The following SSBP3 variants were observed in gnomAD, a reference collection of about 807,000 sequenced individuals.
The protein encoded by SSBP3 is single stranded DNA binding protein 3, also known as single-stranded DNA-binding protein 3.
A neutral mutation model predicts 69.6 loss-of-function variants in SSBP3; 5 were observed. The observed-to-expected ratio is 0.07, with a 90% CI of 0.04 to 0.15. The LOEUF (loss-of-function observed/expected upper bound fraction) is 0.15. Among genes scored for constraint, SSBP3 ranks in the 10% least tolerant of loss-of-function variants. The pLI, the probability that SSBP3 is intolerant of heterozygous loss-of-function variation, is 1.00. For synonymous variants in SSBP3, 196 were observed against 193.4 expected (o/e 1.01, Z -0.11); for missense variants, 312 against 534.0 (o/e 0.58, Z 4.10).
intron 4 of SSBP3, among the ~76,000 whole-genome samples, chr1:54,285,820 C>T (rs1645478254): frequency 6.6e-6 from 1 of 152,298 alleles, no homozygotes; most frequent in Non-Finnish European, 1.5e-5. Context: ...GCTAGAAGTC[C>T]CCCACGGAAG....
Position 54,241,440 on chromosome 1 carries a change from C to G in SSBP3, c.801+34G>C, listed in dbSNP as rs543751214. The G allele has an allele frequency of 3.1e-6, 5 of 1,613,088 alleles. No homozygotes were observed. The African/African-American group carries it at 5.3e-5, about 17-fold the overall frequency. On this transcript the variant is annotated intron_variant, in intron 12 of 17. Transcript: ENST00000610401. ...CTCTTGCACACTCAGTCCCACGTGG[C>G]TAGACATGCAATGCCCCAAACCCAC...
Position 54,379,025 on chromosome 1 carries a change from C to G in SSBP3, c.276+22836G>C, listed in dbSNP as rs1569991692. ...TCTCCTGGCCCCGCCACCGCCTGGC[C>G]AGGTCCCCGCCCCAACCCACTTGTT... On this transcript the variant is annotated intron_variant, in intron 4 of 17. Coordinates refer to ENST00000610401, the Ensembl canonical transcript of SSBP3. 2.0e-5 allele frequency among the ~76,000 whole-genome samples: 3 copies of G among 152,360 alleles called. No homozygotes were observed. The Middle Eastern group carries it at 0.01, about 518-fold the overall frequency.
intron 4 of SSBP3, among the ~76,000 whole-genome samples, chr1:54,397,892 G>T (rs1013379667): frequency 6.6e-6 from 1 of 152,136 alleles, no homozygotes; most frequent in Non-Finnish European, 1.5e-5. Context: ...CAGAGTTCAG[G>T]TCTCGCCTCT....
At chr1:54,247,691 AAAC>A (rs781780457) in intron 9 of SSBP3, among the ~76,000 whole-genome samples, 21 of 152,250 alleles carry the variant, frequency 1.4e-4, no homozygotes, top group African/African-American at 2.4e-4. Flanking sequence ...TGAATACCAG[AAAC>A]AACAACAAGT....
At position 54,228,736 on chromosome 1, in the gene SSBP3, G is replaced by A. The variant is rs1419699998; in HGVS notation, c.1006+12C>T. 1 of 1,588,056 alleles carries A rather than the reference G, an allele frequency of 6.3e-7. No individual in the cohort carries two copies. Among genetic ancestry groups the A allele is most frequent in the Non-Finnish European group, 8.6e-7 (1 of 1,168,964 alleles). On this transcript the variant is annotated intron_variant, in intron 15 of 17. Transcript: ENST00000610401. ...GGCAGGGTGGGGCATGGCGAGGGCA[G>A]GGGCCACTCACCTAATGATCCATTC...
rs558892167 is a variant in SSBP3 at position 54,260,496 on chromosome 1, C to A, written c.367-2347G>T. Among the ~76,000 whole-genome samples, 19 of 152,346 alleles carry A rather than the reference C, an allele frequency of 1.2e-4. 1 individual carries two copies. The South Asian group carries it at 3.9e-3, about 32-fold the overall frequency. Reference sequence around the variant, plus strand: ...GCGCACACGGTGGGGCCTCAATCTACGGCAGCCTTTACAAAGGACCAGTGC... The same window carrying A: ...GCGCACACGGTGGGGCCTCAATCTAAGGCAGCCTTTACAAAGGACCAGTGC... On this transcript the variant is annotated intron_variant, in intron 5 of 17. Transcript: ENST00000610401.
At chr1:54,289,284 T>A (rs1490015755) in intron 4 of SSBP3, among the ~76,000 whole-genome samples, 2 of 151,864 alleles carry the variant, frequency 1.3e-5, no homozygotes, top group Non-Finnish European at 2.9e-5. Flanking sequence ...GGGGTGTGTA[T>A]GTGTGTGTCT....
chr1:54,282,072 A>T (rs60700048), intron 4 of SSBP3, among the ~76,000 whole-genome samples: 2 of 150,272 alleles, frequency 1.3e-5, no homozygotes, highest in South Asian at 4.2e-4. Context: ...TAATAATAAT[A>T]AAAAAATGGG....
At chr1:54,359,685 AG>A (rs1646921799) in intron 4 of SSBP3, among the ~76,000 whole-genome samples, 1 of 152,252 alleles carries the variant, frequency 6.6e-6, no homozygotes, top group East Asian at 1.9e-4. Context: ...TGGATAAGTA[AG>A]AAAAGCTGTT....
chr1:54,254,971 T>G (rs1644893434), intron 7 of SSBP3, among the ~76,000 whole-genome samples: 1 of 152,114 alleles, frequency 6.6e-6, no homozygotes. Context: ...TAGCTGGGAT[T>G]ACAGGCACAC....
intron 5 of SSBP3, among the ~76,000 whole-genome samples, chr1:54,273,449 C>A (rs1280222128): frequency 2.6e-5 from 4 of 152,234 alleles, no homozygotes; most frequent in Admixed American, 2.0e-4. Context: ...CAGGAGTAAC[C>A]TTTTGTCCAC....
At position 54,258,713 on chromosome 1, in the gene SSBP3, G is replaced by A. The variant is rs960156717; in HGVS notation, c.367-564C>T. 4.6e-5 allele frequency among the ~76,000 whole-genome samples: 7 copies of A among 152,108 alleles called. No homozygotes were observed. Among genetic ancestry groups the A allele is most frequent in the African/African-American group, 1.4e-4 (6 of 41,414 alleles). Reference sequence around the variant, plus strand: ...TGGGGGCAGGAGGGCCGGGGGCACCGACAGATAAACAACAGAGGCAAGAGG... The same window carrying A: ...TGGGGGCAGGAGGGCCGGGGGCACCAACAGATAAACAACAGAGGCAAGAGG... On this transcript the variant is annotated intron_variant, in intron 5 of 17. Coordinates refer to ENST00000610401, the Ensembl canonical transcript of SSBP3. The surrounding 1 kb of genome is among the most constrained non-coding windows in gnomAD (Gnocchi z 4.5).
chr1:54,257,307 C>T, intron 6 of SSBP3, 121 bp from the exon 7 acceptor site: 1 of 835,262 alleles, frequency 1.2e-6, no homozygotes, highest in South Asian at 2.1e-5. Context: ...AGTTCTTTCT[C>T]CTGCTAGCCT....
chr1:54,402,439 T>C (rs775290424), intron 3 of SSBP3, among the ~76,000 whole-genome samples: 1 of 152,202 alleles, frequency 6.6e-6, no homozygotes, highest in Non-Finnish European at 1.5e-5. Flanking sequence ...GATTCATATA[T>C]GCCGCGATTT....
intron 4 of SSBP3, among the ~76,000 whole-genome samples, chr1:54,316,993 T>C (rs2100340254): frequency 6.6e-6 from 1 of 152,224 alleles, no homozygotes; most frequent in East Asian, 1.9e-4. Flanking sequence ...CCTAATCACA[T>C]TCCCCAAACG....
chr1:54,310,258 G>T (rs1645976590), intron 4 of SSBP3, among the ~76,000 whole-genome samples: 1 of 152,296 alleles, frequency 6.6e-6, no homozygotes, highest in Admixed American at 6.5e-5. Flanking sequence ...TCAACTCTCA[G>T]CCAGGCTTTC....
intron 4 of SSBP3, among the ~76,000 whole-genome samples, chr1:54,292,532 T>C (rs1251079434): frequency 6.6e-6 from 1 of 152,042 alleles, no homozygotes; most frequent in East Asian, 1.9e-4. Flanking sequence ...CACTCCTGTG[T>C]TGTGAGCGAG....
intron 4 of SSBP3, among the ~76,000 whole-genome samples, chr1:54,398,852 G>A (rs942502034): frequency 1.3e-5 from 2 of 152,072 alleles, no homozygotes; most frequent in African/African-American, 2.4e-5. Context: ...CCTACCCACC[G>A]AAGATGGGTC....
upstream of SSBP3, among the ~76,000 whole-genome samples, chr1:54,410,149 A>G (rs964181103): frequency 6.6e-6 from 1 of 152,240 alleles, no homozygotes; most frequent in Admixed American, 6.5e-5. Context: ...TGAAAGGAAC[A>G]GAAGGACAGA....
Sources: allele counts gnomAD v4.1 joint callset (sites outside exome capture counted in the v4.1 genomes callset), GRCh38; gene constraint gnomAD v4.1.1; non-coding constraint Gnocchi (gnomAD v3.1); transcripts MANE v1.5; gene names NCBI Gene and HGNC (gene_info 2026-07-23, HGNC 2026-07-21).